POC5: variants seen among roughly 807,000 people sequenced by gnomAD.
POC5 encodes POC5 centriolar protein.
Under a neutral mutation model 62.9 loss-of-function variants are expected in POC5, and 48 were observed. That is an observed-to-expected ratio of 0.76 (90% CI 0.61 to 0.97). The LOEUF is 0.97. Ranked by LOEUF, POC5 falls within the 50% of genes least tolerant of loss-of-function variation. The pLI is 0.00. For missense variants in POC5, 696 were observed against 679.5 expected (o/e 1.02, Z -0.27); for synonymous variants, 236 against 228.2 (o/e 1.03, Z -0.31).
intron 2 of POC5, chr5:75,712,648 A>G (rs1286965624): frequency 1.4e-6 from 1 of 711,652 alleles, no homozygotes; most frequent in East Asian, 2.7e-5. Context: ...GAGTGTATGA[A>G]GAGTTCATCA....
rs1445511323 is a variant in POC5, at chr5:75,685,313, G to A, written c.1301C>T (p.Ser434Leu). ...VGGASATAVPSAASMTSTRAA... is the reference protein window; with the variant it reads ...VGGASATAVPLAASMTSTRAA... ...CCTGGTAGAAGTCATCGAAGCAGCT[G>A]AGGGAACGGCAGTCGCGCTGGCTCC... The change falls in exon 10 of 12, where the codon TCA (serine) becomes TTA (leucine). Residue 434 changes from serine (S) to leucine (L), a missense_variant. Physicochemically the swap from Ser to Leu is moderately radical, Grantham distance 145. Coordinates refer to ENST00000428202, the MANE Select transcript of POC5 (RefSeq NM_001099271.2). The A allele has an allele frequency of 6.2e-7, 1 of 1,613,944 alleles. No individual in the cohort carries two copies. The highest frequency in any genetic ancestry group is 2.2e-5 in the East Asian group (1 of 44,894).
At chr5:75,698,628 A>C (rs900528787) in intron 5 of POC5, among the ~76,000 whole-genome samples, 17 of 152,166 alleles carry the variant, frequency 1.1e-4, no homozygotes, top group African/African-American at 4.1e-4. Context: ...AAGATCCAAA[A>C]TTGACACCCT....
rs911084390 is a variant in POC5 at position 75,689,382 on chromosome 5, C to T, written c.976-217G>A. On this transcript the variant is annotated intron_variant, in intron 8 of 11. Transcript: ENST00000428202. ...CATTCCTAACCTTAAAATCAAGGTT[C>T]AAACAAGGGGAATTTTATCCAGTCC... is the stretch of plus-strand genomic sequence containing the variant. 9 of 985,098 alleles carry T rather than the reference C, an allele frequency of 9.1e-6. No homozygotes were observed. The African/African-American group carries it at 1.6e-4, about 17-fold the overall frequency. 61.0% of individuals were successfully genotyped at this position (985,098 alleles called of 1,614,324 possible). A position where few individuals can be genotyped will look rare whatever the true frequency, so the allele number is the denominator to read the frequency against.
At chr5:75,683,400 A>G (rs922358064) in intron 10 of POC5, among the ~76,000 whole-genome samples, 5 of 151,788 alleles carry the variant, frequency 3.3e-5, no homozygotes, top group African/African-American at 1.2e-4. Context: ...TGCCCGGCTA[A>G]TTTTTTATAT....
rs772436289 is a variant in POC5, at chr5:75,674,341, ATGT to A, written c.*91_*93del. The A allele has an allele frequency of 3.1e-5, 41 of 1,311,918 alleles. No individual in the cohort carries two copies. The highest frequency in any genetic ancestry group is 4.1e-5 in the Non-Finnish European group (39 of 954,112). The allele number at this position is 1,311,918 out of a possible 1,614,324, so 81.3% of individuals were successfully genotyped here. On this transcript the variant is annotated 3_prime_UTR_variant, in exon 12 of 12. Coordinates refer to ENST00000428202, the MANE Select transcript of POC5 (RefSeq NM_001099271.2). ...AACAGATGAACATGATGTCTCCATG[ATGT>A]TCTAACAATATGGAAAAGTTAAAAC...
Position 75,689,636 on chromosome 5 carries a change from A to G in POC5, c.976-471T>C, listed in dbSNP as rs1468805934. The G allele has an allele frequency of 4.1e-6, 4 of 985,308 alleles. No individual in the cohort carries two copies. In the East Asian group the frequency reaches 4.5e-4, roughly 112 times the overall value. 61.0% of individuals were successfully genotyped at this position (985,308 alleles called of 1,614,324 possible). On this transcript the variant is annotated intron_variant, in intron 8 of 11. Transcript: ENST00000428202. ...CCCTAGGTACAACACACTTTCCCAT[A>G]GGCCAAACCTCAGGGGACTGCATTT...
chr5:75,714,322 C>T (rs1414398339), intron 1 of POC5, among the ~76,000 whole-genome samples: 2 of 152,020 alleles, frequency 1.3e-5, no homozygotes, highest in Admixed American at 6.6e-5. Flanking sequence ...GTGGAGGCTG[C>T]AGTGAGCCAA....
intron 5 of POC5, among the ~76,000 whole-genome samples, chr5:75,699,047 A>C (rs1440819902): frequency 6.6e-6 from 1 of 152,184 alleles, no homozygotes; most frequent in Non-Finnish European, 1.5e-5. Flanking sequence ...ATAGACCAAT[A>C]ACAGGAGCTG....
intron 3 of POC5, among the ~76,000 whole-genome samples, chr5:75,707,222 T>C (rs1400071921): frequency 6.6e-6 from 1 of 152,200 alleles, no homozygotes; most frequent in South Asian, 2.1e-4. Flanking sequence ...TCAACACACA[T>C]CCTGGTTTAT....
chr5:75,711,307 C>T (rs534420023), intron 2 of POC5, among the ~76,000 whole-genome samples: 3 of 151,562 alleles, frequency 2.0e-5, no homozygotes, highest in African/African-American at 7.3e-5. Context: ...TTGATATGAC[C>T]CTGAAATATA....
intron 10 of POC5, among the ~76,000 whole-genome samples, chr5:75,682,053 C>T (rs887181351): frequency 6.6e-6 from 1 of 152,098 alleles, no homozygotes; most frequent in Non-Finnish European, 1.5e-5. Context: ...TCTCCCTGGC[C>T]CTAAAGGCCA....
In POC5 at chr5:75,702,697, C is replaced by T. The variant is rs564117652; in HGVS notation, c.421G>A (p.Ala141Thr). Reference protein sequence around the residue: ...SPATNSSHTDAHEILVSDFLV... With the variant: ...SPATNSSHTDTHEILVSDFLV... ...AAATCGCTCACAAGTATTTCATGGGCATCTGTATGACTAGAATTTGTTGCT... is the reference window on the plus strand; with the variant it reads ...AAATCGCTCACAAGTATTTCATGGGTATCTGTATGACTAGAATTTGTTGCT... Residue 141 changes from alanine (A) to threonine (T), a missense_variant, in exon 5 of 12, where the codon GCC (alanine) becomes ACC (threonine). Transcript: ENST00000428202. The T allele has an allele frequency of 3.1e-6, 5 of 1,610,936 alleles. No homozygotes were observed. Among genetic ancestry groups the T allele is most frequent in the African/African-American group, 2.7e-5 (2 of 75,026 alleles).
At chr5:75,691,154 G>A (rs1314911887) in intron 7 of POC5, among the ~76,000 whole-genome samples, 2 of 152,140 alleles carry the variant, frequency 1.3e-5, no homozygotes, top group Non-Finnish European at 2.9e-5. Context: ...ATCCAAAAGT[G>A]ACAGTAGCCT....
rs759525079 is a variant in POC5, at chr5:75,685,354, T to A, written c.1260A>T (p.Pro420=). The A allele has an allele frequency of 6.2e-7, 1 of 1,613,566 alleles. No individual in the cohort carries two copies. Among genetic ancestry groups the A allele is most frequent in the Non-Finnish European group, 8.5e-7 (1 of 1,179,854 alleles). ...LPVTSPLLPS[P]PAAVGGASAT... ...CGCTGGCTCCTCCGACGGCGGCTGGTGGGGATGGCAGCAGTGGTGATGTAA... is the reference window on the plus strand; with the variant it reads ...CGCTGGCTCCTCCGACGGCGGCTGGAGGGGATGGCAGCAGTGGTGATGTAA... The change falls in exon 10 of 12, where the codon CCA becomes CCT. Residue 420 remains proline, a synonymous_variant. Transcript: ENST00000428202.
intron 5 of POC5, among the ~76,000 whole-genome samples, chr5:75,698,722 C>T (rs968883400): frequency 2.9e-4 from 44 of 151,830 alleles, no homozygotes; most frequent in African/African-American, 1.0e-3. Flanking sequence ...AAAATCAGAG[C>T]AGAACTGAAG....
intron 3 of POC5, 132 bp downstream of exon 3, chr5:75,707,605 A>T: frequency 1.5e-6 from 1 of 675,568 alleles, no homozygotes; most frequent in Non-Finnish European, 2.4e-6. Flanking sequence ...AAGCTCCCCT[A>T]GATGATACTA....
intron 9 of POC5, among the ~76,000 whole-genome samples, chr5:75,685,777 G>A (rs1158623454): frequency 6.6e-6 from 1 of 152,154 alleles, no homozygotes; most frequent in Non-Finnish European, 1.5e-5. Context: ...CCTTAGCTAA[G>A]TAGAGTATAT....
At chr5:75,680,695 CAG>C (rs1775834714) in intron 10 of POC5, among the ~76,000 whole-genome samples, 2 of 152,022 alleles carry the variant, frequency 1.3e-5, no homozygotes, top group South Asian at 2.1e-4. Context: ...TGCTACTAAT[CAG>C]GGGGAGGAAA....
rs1776061663 is a variant in POC5 at position 75,685,388 on chromosome 5, G to C, written c.1226C>G (p.Pro409Arg). 1.2e-6 allele frequency: 2 copies of C among 1,613,846 alleles called. No homozygotes were observed. The highest frequency in any genetic ancestry group is 1.7e-6 in the Non-Finnish European group (2 of 1,179,900). The change falls in exon 10 of 12, where the codon CCC becomes CGC. Residue 409 changes from proline to arginine, a missense_variant. Physicochemically the swap from Pro to Arg is moderately radical, Grantham distance 103 (BLOSUM62 -2). Transcript: ENST00000428202. ...AHLDPSAPPM[P>R]LPVTSPLLPS... ...CAGCAGTGGTGATGTAACTGGTAAGGGCATCGGAGGAGCTGAAGGATCCAA... is the reference window on the plus strand; with the variant it reads ...CAGCAGTGGTGATGTAACTGGTAAGCGCATCGGAGGAGCTGAAGGATCCAA...
Sources: allele counts gnomAD v4.1 joint callset (sites outside exome capture counted in the v4.1 genomes callset), GRCh38; gene constraint gnomAD v4.1.1; transcripts MANE v1.5; gene names NCBI Gene and HGNC (gene_info 2026-07-23, HGNC 2026-07-21).